APEH: variants seen among roughly 807,000 people sequenced by gnomAD.
APEH encodes the protein acylamino-acid-releasing enzyme.
APEH carries 75 observed loss-of-function variants against 102.7 expected under a neutral mutation model. The observed-to-expected ratio is 0.73, with a 90% confidence interval of 0.61 to 0.89. APEH has a LOEUF of 0.89. Among genes scored for constraint, APEH ranks in the 40% least tolerant of loss-of-function variants. The pLI is 0.00. For missense variants in APEH, 863 were observed against 941.2 expected (o/e 0.92, Z 1.09); for synonymous variants, 344 against 362.7 (o/e 0.95, Z 0.59).
At position 49,683,087 on chromosome 3, in the gene APEH, G is replaced by C. The variant is rs765838941; in HGVS notation, c.2034G>C (p.Val678=). 3 of 1,613,958 alleles carry C rather than the reference G, an allele frequency of 1.9e-6. No homozygotes were observed. Among genetic ancestry groups the C allele is most frequent in the Non-Finnish European group, 2.5e-6 (3 of 1,180,050 alleles). Residue 678 remains valine (V), a synonymous_variant, in exon 21 of 22, where the codon GTG becomes GTC. Transcript: ENST00000296456. ...LLMLGQEDRR[V]PFKQGMEYYR... is the part of the protein sequence containing the mutation. ...TGTTGGGCCAGGAGGACCGGCGTGT[G>C]CCCTTCAAGCAGGGCATGGAGTATT...
intron 10 of APEH, among the ~76,000 whole-genome samples, chr3:49,677,335 C>T (rs1322404537): frequency 6.6e-6 from 1 of 152,194 alleles, no homozygotes; most frequent in African/African-American, 2.4e-5. Context: ...TGGGGAGTTA[C>T]ACAATCCCAG....
intron 14 of APEH, 57 bp downstream of exon 14, chr3:49,680,686 A>C: frequency 4.7e-6 from 7 of 1,501,642 alleles, no homozygotes; most frequent in Non-Finnish European, 6.5e-6. Flanking sequence ...GGCAGAGCTC[A>C]CCAGGTCAGG....
chr3:49,679,714 G>A lies in APEH; in HGVS notation c.1210+70G>A. 2 of 1,497,572 alleles carry A rather than the reference G, an allele frequency of 1.3e-6. No individual in the cohort carries two copies. Among genetic ancestry groups the A allele is most frequent in the Non-Finnish European group, 1.9e-6 (2 of 1,077,164 alleles). 92.8% of individuals were successfully genotyped at this position (1,497,572 alleles called of 1,614,324 possible). A position where few individuals can be genotyped will look rare whatever the true frequency, so the allele number is the denominator to read the frequency against. ...CAAGCCAACCAGGCAGCGGGGGACT[G>A]GAGCTCCAACATGTGGGGCAGTGAT... is the stretch of plus-strand genomic sequence containing the variant. On this transcript the variant is annotated intron_variant, in intron 13 of 21. Coordinates refer to ENST00000296456, the MANE Select transcript of APEH (RefSeq NM_001640.4). The surrounding 1 kb of genome is among the most constrained non-coding windows in gnomAD (Gnocchi z 4.3).
At chr3:49,674,112 T>G, upstream of APEH, 1 of 429,692 alleles carries the variant, frequency 2.3e-6, no homozygotes, top group Non-Finnish European at 4.1e-6. Flanking sequence ...CGCCCCTCGG[T>G]AAGAGGCCCA....
In APEH at chr3:49,683,356, T is replaced by C; in HGVS notation, c.*14T>C. 1.3e-6 allele frequency: 2 copies of C among 1,596,110 alleles called. No individual in the cohort carries two copies. Among genetic ancestry groups the C allele is most frequent in the Non-Finnish European group, 1.7e-6 (2 of 1,163,994 alleles). On this transcript the variant is annotated 3_prime_UTR_variant, in exon 22 of 22. Transcript: ENST00000296456. ...TTGGGCAGCTGAAGCCCTGCCATTC[T>C]GCATGAGCTGATCAGCCTGTGCCAC...
chr3:49,675,458 G>A, intron 3 of APEH, 149 bp downstream of exon 3: 2 of 1,209,584 alleles, frequency 1.7e-6, no homozygotes, highest in Non-Finnish European at 1.2e-6. Flanking sequence ...GACATGGCCT[G>A]ATAAGCACTG....
At chr3:49,674,731 C>A in intron 2 of APEH, 110 bp downstream of exon 2, 2 of 1,414,966 alleles carry the variant, frequency 1.4e-6, no homozygotes, top group Non-Finnish European at 1.9e-6. Flanking sequence ...TATAGGGAGC[C>A]GGCCTGGACT....
chr3:49,683,104 T>G lies in APEH; in HGVS notation c.2051T>G (p.Met684Arg). The G allele has an allele frequency of 6.2e-7, 1 of 1,614,064 alleles. No homozygotes were observed. The highest frequency in any genetic ancestry group is 1.1e-5 in the South Asian group (1 of 91,086). The change falls in exon 21 of 22, where the codon ATG (methionine) becomes AGG (arginine). Residue 684 changes from methionine (M) to arginine (R), a missense_variant. Transcript: ENST00000296456. Reference sequence around the variant, plus strand: ...CGGCGTGTGCCCTTCAAGCAGGGCATGGAGTATTACCGTGCCCTCAAGACC... The same window carrying G: ...CGGCGTGTGCCCTTCAAGCAGGGCAGGGAGTATTACCGTGCCCTCAAGACC... ...EDRRVPFKQGMEYYRALKTRN... is the reference protein window; with the variant it reads ...EDRRVPFKQGREYYRALKTRN...
At chr3:49,683,176 G>A (rs2108132380) in intron 21 of APEH, 30 bp downstream of exon 21, 3 of 1,610,874 alleles carry the variant, frequency 1.9e-6, no homozygotes, top group East Asian at 4.5e-5. Context: ...CCTGGCAGCT[G>A]GTGGGCAGGT....
chr3:49,682,754 GTCCCTGCCC>G lies in APEH; in HGVS notation c.1883+20_1883+28del. The G allele has an allele frequency of 6.2e-7, 1 of 1,613,628 alleles. No individual in the cohort carries two copies. The highest frequency in any genetic ancestry group is 1.7e-5 in the Admixed American group (1 of 60,004). On this transcript the variant is annotated intron_variant, in intron 19 of 21. Coordinates refer to ENST00000296456, the MANE Select transcript of APEH (RefSeq NM_001640.4). ...CCTGACTGGTAGGCATACACCACAG[GTCCCTGCCC>G]TTCCCTCCTCTACCTCAAATTCTCA...
chr3:49,681,798 G>C lies in APEH; in HGVS notation c.1515G>C (p.Met505Ile), dbSNP rs531462009. Residue 505 changes from methionine (M) to isoleucine (I), a missense_variant, in exon 16 of 22, where the codon ATG (methionine) becomes ATC (isoleucine). By Grantham distance (10) the Met-to-Ile change is conservative. Coordinates refer to ENST00000296456, the MANE Select transcript of APEH (RefSeq NM_001640.4). ...PDKTQVPMVV[M>I]PHGGPHSSFV... The stretch of plus-strand genomic sequence containing the variant: ...AGACCCAAGTGCCCATGGTGGTCAT[G>C]CCCCACGGTAGGCATCTGGCGTTAA... 1.2e-6 allele frequency: 2 copies of C among 1,611,854 alleles called. No individual in the cohort carries two copies. The highest frequency in any genetic ancestry group is 2.7e-5 in the African/African-American group (2 of 74,908).
In APEH at chr3:49,679,937, A is replaced by C; in HGVS notation, c.1210+293A>C. The C allele has an allele frequency of 6.2e-6, 2 of 321,036 alleles. No homozygotes were observed. Among genetic ancestry groups the C allele is most frequent in the African/African-American group, 2.2e-5 (1 of 46,416 alleles). 19.9% of individuals were successfully genotyped at this position (321,036 alleles called of 1,614,324 possible). On this transcript the variant is annotated intron_variant, in intron 13 of 21. Transcript: ENST00000296456. The surrounding 1 kb of genome is among the most constrained non-coding windows in gnomAD (Gnocchi z 4.3). ...CACCTCTGCTCCTAAAACCCACAAA[A>C]CTCTCTCTTATCAAGATCTGCCAGA... is the stretch of plus-strand genomic sequence containing the variant.
chr3:49,674,720 A>G lies in APEH; in HGVS notation c.145+99A>G, dbSNP rs569325491. The G allele has an allele frequency of 3.7e-5, 54 of 1,468,446 alleles. No individual in the cohort carries two copies. The East Asian group carries it at 1.0e-3, about 28-fold the overall frequency. The allele number at this position is 1,468,446 out of a possible 1,614,324, so 91.0% of individuals were successfully genotyped here. On this transcript the variant is annotated intron_variant, in intron 2 of 21. Coordinates refer to ENST00000296456, the MANE Select transcript of APEH (RefSeq NM_001640.4). ...TCGCTGCTTGACAGTGCGTAAGGGTATATAGGGAGCCGGCCTGGACTTGGA... is the reference window on the plus strand; with the variant it reads ...TCGCTGCTTGACAGTGCGTAAGGGTGTATAGGGAGCCGGCCTGGACTTGGA...
Position 49,678,834 on chromosome 3 carries a change from G to C in APEH, c.1061-18G>C. ...ACCTCCACTCCTGGATGCAGCCTCA[G>C]CCCTCCTATCTTTACAGAGAACTTC... On this transcript the variant is annotated intron_variant, in intron 11 of 21. Coordinates refer to ENST00000296456, the MANE Select transcript of APEH (RefSeq NM_001640.4). The C allele has an allele frequency of 2.5e-6, 4 of 1,598,176 alleles. No individual in the cohort carries two copies. The highest frequency in any genetic ancestry group is 3.4e-6 in the Non-Finnish European group (4 of 1,165,904).
chr3:49,676,584 T>C (rs376390740), intron 7 of APEH, 25 bp from the exon 8 acceptor site: 1 of 1,614,114 alleles, frequency 6.2e-7, no homozygotes, highest in African/African-American at 1.3e-5. Context: ...CCTTGCTCAC[T>C]CCTGCCCTTT....
In APEH at chr3:49,682,450, G is replaced by A; in HGVS notation, c.1692+14G>A. 4 of 1,613,292 alleles carry A rather than the reference G, an allele frequency of 2.5e-6. No homozygotes were observed. The highest frequency in any genetic ancestry group is 3.4e-6 in the Non-Finnish European group (4 of 1,179,262). On this transcript the variant is annotated intron_variant, in intron 18 of 21. Transcript: ENST00000296456. ...AAGGATGTCCAGGTAGCAGGGGCTGGGGCTTCTGGACAGGCTGAAACATGG... is the reference window on the plus strand; with the variant it reads ...AAGGATGTCCAGGTAGCAGGGGCTGAGGCTTCTGGACAGGCTGAAACATGG...
chr3:49,682,224 C>T, intron 17 of APEH, 124 bp from the exon 18 acceptor site: 1 of 1,083,456 alleles, frequency 9.2e-7, no homozygotes, highest in Non-Finnish European at 1.3e-6. Flanking sequence ...GTCCCTTCCC[C>T]TTGACCCCTT....
chr3:49,676,159 G>C lies in APEH; in HGVS notation c.546G>C (p.Leu182Phe), dbSNP rs1230958596. Reference sequence around the variant, plus strand: ...AGTCCTTCTTTCAGACCAAAGCCTTGGACGTCAGTGCCAGCGATGATGAGA... The same window carrying C: ...AGTCCTTCTTTCAGACCAAAGCCTTCGACGTCAGTGCCAGCGATGATGAGA... ...KAESFFQTKA[L>F]DVSASDDEIA... is the part of the protein sequence containing the mutation. Residue 182 changes from leucine (L) to phenylalanine (F), a missense_variant, in exon 6 of 22, where the codon TTG becomes TTC. By Grantham distance (22) the Leu-to-Phe change is conservative. Transcript: ENST00000296456. 6.2e-7 allele frequency: 1 copy of C among 1,614,218 alleles called. No homozygotes were observed. Among genetic ancestry groups the C allele is most frequent in the South Asian group, 1.1e-5 (1 of 91,090 alleles).
chr3:49,678,905 G>C lies in APEH; in HGVS notation c.1114G>C (p.Asp372His). The stretch of plus-strand genomic sequence containing the variant: ...TCTGCCTTTGGGATGCTGGTCAGCT[G>C]ACAGCCAGAGAGTGGTCTTTGACTC... ...SLLPLGCWSA[D>H]SQRVVFDSAQ... Residue 372 changes from aspartate (D) to histidine (H), a missense_variant, in exon 12 of 22, where the codon GAC becomes CAC. By Grantham distance (81) the Asp-to-His change is moderately conservative. Coordinates refer to ENST00000296456, the MANE Select transcript of APEH (RefSeq NM_001640.4). 1.2e-6 allele frequency: 2 copies of C among 1,613,888 alleles called. No homozygotes were observed. Among genetic ancestry groups the C allele is most frequent in the Non-Finnish European group, 8.5e-7 (1 of 1,179,982 alleles).
Sources: gnomAD v4.1 joint callset for allele counts (sites outside exome capture counted in the v4.1 genomes callset) on GRCh38, gnomAD v4.1.1 for gene constraint, Gnocchi (gnomAD v3.1) non-coding constraint, MANE v1.5 for transcripts, NCBI Gene and HGNC (gene_info 2026-07-23, HGNC 2026-07-21) for gene names.